Variants in RPS6KA2 observed in about 807,000 individuals in gnomAD.
RPS6KA2 encodes ribosomal protein S6 kinase A2, also known as ribosomal protein S6 kinase alpha-2.
In RPS6KA2, 42 loss-of-function variants were observed where a neutral mutation model predicts 91.8. The ratio of observed to expected loss-of-function variants is 0.46; its 90% confidence interval spans 0.36 to 0.59. The LOEUF (loss-of-function observed/expected upper bound fraction) is 0.59, where lower values mean the gene tolerates loss of function less well. Ranked by LOEUF, RPS6KA2 falls within the 20% of genes least tolerant of loss-of-function variation. The probability of loss-of-function intolerance (pLI) is 0.00; values close to 1 mark genes in which losing one functional copy is unlikely to be tolerated. For synonymous variants in RPS6KA2, 414 were observed against 393.6 expected, an observed-to-expected ratio of 1.05 and a Z score of -0.61; for missense variants, 798 against 978.5, an observed-to-expected ratio of 0.82 and a Z score of 2.46.
At chr6:166,763,791 C>T (rs775052960) in intron 2 of RPS6KA2, among the ~76,000 whole-genome samples, 2 of 152,206 alleles carry the variant, frequency 1.3e-5, no homozygotes, top group Non-Finnish European at 2.9e-5. Flanking sequence ...CCCAAGGGCC[C>T]CATGATAATA....
rs1779166216 is a variant in RPS6KA2, at chr6:166,432,436, A to G, written c.1387T>C (p.Tyr463His). ...GTGATGATGTTCGGGTGCTGGCCGTACCGCAGGAGGATCTCAATCTCTTCC... is the reference window on the plus strand; with the variant it reads ...GTGATGATGTTCGGGTGCTGGCCGTGCCGCAGGAGGATCTCAATCTCTTCC... ...PSEEIEILLR[Y>H]GQHPNIITLK... Residue 463 changes from tyrosine to histidine, a missense_variant, in exon 15 of 21, where the codon TAC becomes CAC. By Grantham distance (83) the Tyr-to-His change is moderately conservative. Transcript: ENST00000265678. The G allele has an allele frequency of 7.4e-6, 12 of 1,613,880 alleles. No homozygotes were observed. Among genetic ancestry groups the G allele is most frequent in the Non-Finnish European group, 1.0e-5 (12 of 1,179,802 alleles).
intron 2 of RPS6KA2, among the ~76,000 whole-genome samples, chr6:166,730,192 C>T (rs188614249): frequency 6.6e-6 from 1 of 152,322 alleles, no homozygotes; most frequent in Admixed American, 6.5e-5. Flanking sequence ...TTCTGTCTCG[C>T]TCAACTGTTT....
At chr6:166,830,675 G>A (rs1780162795) in intron 2 of RPS6KA2, among the ~76,000 whole-genome samples, 1 of 152,128 alleles carries the variant, frequency 6.6e-6, no homozygotes, top group Non-Finnish European at 1.5e-5. Context: ...TAGCGTGTGA[G>A]CCCACAGCTT....
chr6:166,524,733 C>T (rs1583239099), intron 3 of RPS6KA2, among the ~76,000 whole-genome samples: 2 of 152,198 alleles, frequency 1.3e-5, no homozygotes, highest in Admixed American at 6.5e-5. Context: ...CAAGGGAGAG[C>T]CTCACGTCGG....
intron 1 of RPS6KA2, among the ~76,000 whole-genome samples, chr6:166,575,124 G>A (rs991336687): frequency 6.6e-6 from 1 of 152,184 alleles, no homozygotes; most frequent in Non-Finnish European, 1.5e-5. Flanking sequence ...CATGCAAAAC[G>A]CCTGGCTCTT....
At chr6:166,787,442 C>T (rs570081368) in intron 2 of RPS6KA2, among the ~76,000 whole-genome samples, 2 of 151,744 alleles carry the variant, frequency 1.3e-5, no homozygotes, top group African/African-American at 4.8e-5. Flanking sequence ...TATCTAGATA[C>T]TGATGATAAA....
At chr6:166,738,931 G>A (rs535936214) in intron 2 of RPS6KA2, among the ~76,000 whole-genome samples, 18 of 152,278 alleles carry the variant, frequency 1.2e-4, no homozygotes, top group Admixed American at 1.0e-3. Flanking sequence ...TTACAGCCTA[G>A]ATATCCAGGT....
chr6:166,675,234 G>A (rs1430049187), intron 2 of RPS6KA2, among the ~76,000 whole-genome samples: 2 of 152,156 alleles, frequency 1.3e-5, no homozygotes, highest in Non-Finnish European at 2.9e-5. Flanking sequence ...AGGGAAGAGG[G>A]TCTCTCCCAC....
At chr6:166,858,176 G>A (rs138166220) in intron 2 of RPS6KA2, 133 of 1,379,020 alleles carry the variant, frequency 9.6e-5, no homozygotes, top group Non-Finnish European at 1.4e-4. Flanking sequence ...ACAAAGCAGA[G>A]TGTAATAAAA....
intron 2 of RPS6KA2, among the ~76,000 whole-genome samples, chr6:166,780,055 G>T (rs1778728173): frequency 6.6e-6 from 1 of 152,182 alleles, no homozygotes; most frequent in East Asian, 1.9e-4. Flanking sequence ...TCTTCATGGT[G>T]GGAGGCCTTG....
At chr6:166,802,407 A>AGT (rs1779389918) in intron 2 of RPS6KA2, among the ~76,000 whole-genome samples, 1 of 152,244 alleles carries the variant, frequency 6.6e-6, no homozygotes, top group East Asian at 1.9e-4. Flanking sequence ...AATAGACTAC[A>AGT]CAAAACATAA....
intron 2 of RPS6KA2, among the ~76,000 whole-genome samples, chr6:166,742,157 A>C (rs978058638): frequency 6.6e-6 from 1 of 152,156 alleles, no homozygotes; most frequent in African/African-American, 2.4e-5. Flanking sequence ...AAACAAAAAA[A>C]GACAGGCCAA....
At chr6:166,596,351 C>A (rs1301228276) in intron 1 of RPS6KA2, among the ~76,000 whole-genome samples, 1 of 152,156 alleles carries the variant, frequency 6.6e-6, no homozygotes, top group Non-Finnish European at 1.5e-5. Context: ...ACATTCAACT[C>A]GGTGAACTGG....
chr6:166,454,475 G>T (rs1410388254), intron 12 of RPS6KA2, among the ~76,000 whole-genome samples: 1 of 152,070 alleles, frequency 6.6e-6, no homozygotes, highest in Non-Finnish European at 1.5e-5. Context: ...TCTAGCCTGG[G>T]TGACAGAGCG....
intron 1 of RPS6KA2, among the ~76,000 whole-genome samples, chr6:166,607,947 C>G (rs543544585): frequency 4.4e-4 from 67 of 151,246 alleles, no homozygotes; most frequent in Non-Finnish European, 7.7e-4. Flanking sequence ...GAGGTGGAAG[C>G]AGCAGTGAGC....
chr6:166,672,922 C>T (rs1788512326), intron 2 of RPS6KA2, among the ~76,000 whole-genome samples: 1 of 152,174 alleles, frequency 6.6e-6, no homozygotes, highest in Non-Finnish European at 1.5e-5. Context: ...CACTCTTCCG[C>T]GTCCCTGGCT....
At chr6:166,819,197 G>A (rs1419047445) in intron 2 of RPS6KA2, among the ~76,000 whole-genome samples, 1 of 152,042 alleles carries the variant, frequency 6.6e-6, no homozygotes, top group Non-Finnish European at 1.5e-5. Context: ...AGGGGTTTCT[G>A]TTCTCTTCCG....
intron 2 of RPS6KA2, among the ~76,000 whole-genome samples, chr6:166,686,164 G>A (rs76770733): frequency 0.033 from 5,032 of 152,204 alleles, 124 homozygotes; most frequent in Non-Finnish European, 0.048. Flanking sequence ...TGACCTAAGG[G>A]CCATCCTATG....
rs1317437580 is a variant in RPS6KA2, at chr6:166,748,550, G to GGGCCCCTCTTCCTCA, written c.123+109649_123+109650insTGAGGAAGAGGGGCC. Reference sequence around the variant, plus strand: ...ACCTCCTCGGGCCCCCCATCCCCTTGGGCCCCCACCTCCTCAGGCCCCCAC... The same window carrying GGGCCCCTCTTCCTCA: ...ACCTCCTCGGGCCCCCCATCCCCTTGGGCCCCTCTTCCTCAGGCCCCCACCTCCTCAGGCCCCCAC... On this transcript the variant is annotated intron_variant, in intron 2 of 21. Coordinates refer to the RPS6KA2 transcript ENST00000503859. Among the ~76,000 whole-genome samples, 783 of 98,434 alleles carry GGGCCCCTCTTCCTCA rather than the reference G, an allele frequency of 8.0e-3. 37 individuals are homozygous for GGGCCCCTCTTCCTCA. The highest frequency in any genetic ancestry group is 0.034 in the East Asian group (116 of 3,380). 64.6% of individuals were successfully genotyped at this position (98,434 alleles called of 152,430 possible). A position where few individuals can be genotyped will look rare whatever the true frequency, so the allele number is the denominator to read the frequency against.
Sources: gnomAD v4.1 joint callset for allele counts (sites outside exome capture counted in the v4.1 genomes callset) on GRCh38, gnomAD v4.1.1 for gene constraint, MANE v1.5 for transcripts, NCBI Gene and HGNC (gene_info 2026-07-23, HGNC 2026-07-21) for gene names.